The following CCDC60 variants were observed in gnomAD, a reference collection of about 807,000 sequenced individuals.
CCDC60 encodes coiled-coil domain-containing protein 60.
In CCDC60, 54 loss-of-function variants were observed where a neutral mutation model predicts 63.5. That is an observed-to-expected ratio of 0.85 (90% CI 0.68 to 1.07). The LOEUF is 1.07. Ranked by LOEUF, CCDC60 falls within the 50% of genes least tolerant of loss-of-function variation. The pLI is 0.00. For missense variants in CCDC60, 651 were observed against 684.3 expected, an observed-to-expected ratio of 0.95 and a Z score of 0.54; for synonymous variants, 206 against 238.8, an observed-to-expected ratio of 0.86 and a Z score of 1.27.
intron 2 of CCDC60, among the ~76,000 whole-genome samples, chr12:119,470,427 G>A (rs1439898112): frequency 1.3e-5 from 2 of 152,218 alleles, no homozygotes; most frequent in African/African-American, 2.4e-5. Flanking sequence ...AGGAATGAAT[G>A]AATGAAATGT....
intron 5 of CCDC60, among the ~76,000 whole-genome samples, chr12:119,495,784 C>A (rs151335831): frequency 6.6e-6 from 1 of 152,174 alleles, no homozygotes; most frequent in African/African-American, 2.4e-5. Flanking sequence ...AGACAACACC[C>A]CAGCTCTCAG....
Position 119,428,618 on chromosome 12 carries a change from C to CCTAT in CCDC60, c.91-62_91-59dup, listed in dbSNP as rs1956941216. 10 of 1,110,622 alleles carry CCTAT rather than the reference C, an allele frequency of 9.0e-6. No homozygotes were observed. The South Asian group carries it at 1.2e-4, about 14-fold the overall frequency. 68.8% of individuals were successfully genotyped at this position (1,110,622 alleles called of 1,614,324 possible). On this transcript the variant is annotated intron_variant, in intron 1 of 13. Transcript: ENST00000327554. Reference sequence around the variant, plus strand: ...CAGAGAAACCCATGAGCCTCCTGTGCCTATCTCCATTTGGAAGCATTGTAT... The same window carrying CCTAT: ...CAGAGAAACCCATGAGCCTCCTGTGCCTATCTATCTCCATTTGGAAGCATTGTAT...
intron 6 of CCDC60, among the ~76,000 whole-genome samples, chr12:119,502,122 T>C (rs549521249): frequency 2.0e-5 from 3 of 152,184 alleles, no homozygotes; most frequent in African/African-American, 7.2e-5. Context: ...TGTGATACAG[T>C]AGGGAGTGGT....
intron 1 of CCDC60, among the ~76,000 whole-genome samples, chr12:119,351,212 C>G (rs1160671848): frequency 1.3e-5 from 2 of 152,190 alleles, no homozygotes; most frequent in African/African-American, 4.8e-5. Context: ...TGCCTCTCTC[C>G]CTTTCCACTC....
intron 12 of CCDC60, 31 bp downstream of exon 12, chr12:119,528,777 C>G: frequency 3.1e-6 from 5 of 1,603,050 alleles, no homozygotes. Flanking sequence ...ATAAGATGGT[C>G]CCTGGAAGAG....
intron 2 of CCDC60, among the ~76,000 whole-genome samples, chr12:119,435,587 T>C (rs1950309812): frequency 6.6e-6 from 1 of 152,194 alleles, no homozygotes; most frequent in Non-Finnish European, 1.5e-5. Context: ...TAAGTAAATA[T>C]TCTGAAGTTT....
At chr12:119,497,579 T>C (rs769972788) in intron 5 of CCDC60, among the ~76,000 whole-genome samples, 2 of 152,188 alleles carry the variant, frequency 1.3e-5, no homozygotes, top group Non-Finnish European at 2.9e-5. Flanking sequence ...TCTTCCCGAT[T>C]GGACCTGAAT....
chr12:119,463,241 C>T (rs1032368943), intron 2 of CCDC60, among the ~76,000 whole-genome samples: 12 of 152,230 alleles, frequency 7.9e-5, no homozygotes, highest in African/African-American at 2.9e-4. Flanking sequence ...TCCCTGGCAC[C>T]TACCAGTCAG....
intron 2 of CCDC60, among the ~76,000 whole-genome samples, 186 bp from the exon 3 acceptor site, chr12:119,471,808 C>T (rs1344088446): frequency 6.6e-6 from 1 of 151,326 alleles, no homozygotes; most frequent in African/African-American, 2.4e-5. Context: ...CTCTCTCTCT[C>T]TTTCCTTCCT....
chr12:119,433,296 A>T (rs1189457325), intron 2 of CCDC60: 1 of 652,262 alleles, frequency 1.5e-6, no homozygotes, highest in Non-Finnish European at 2.8e-6. Context: ...TTGTTCTGCC[A>T]CTCTTCAGTT....
intron 6 of CCDC60, among the ~76,000 whole-genome samples, chr12:119,500,610 T>C (rs1289728694): frequency 7.9e-6 from 1 of 126,450 alleles, no homozygotes; most frequent in Middle Eastern, 6.6e-3. Flanking sequence ...TCCCAAAGGA[T>C]TGGGAGGCCA....
At position 119,495,640 on chromosome 12, in the gene CCDC60, A is replaced by T. The variant is rs533408861; in HGVS notation, c.558-4438A>T. ...GAGCAGCACTCATAATAGCATTTTT[A>T]AAATTTAAATTGTTTATATTTAAAT... is the stretch of plus-strand genomic sequence containing the variant. On this transcript the variant is annotated intron_variant, in intron 5 of 13. Coordinates refer to ENST00000327554, the MANE Select transcript of CCDC60 (RefSeq NM_178499.5). Among the ~76,000 whole-genome samples, 11 of 152,314 alleles carry T rather than the reference A, an allele frequency of 7.2e-5. No individual in the cohort carries two copies. The East Asian group carries it at 1.2e-3, about 16-fold the overall frequency.
At chr12:119,447,418 C>A (rs1478355466) in intron 2 of CCDC60, among the ~76,000 whole-genome samples, 1 of 152,144 alleles carries the variant, frequency 6.6e-6, no homozygotes, top group African/African-American at 2.4e-5. Context: ...AGAAGAACAC[C>A]GATCGAACCA....
rs917427330 is a variant in CCDC60, at chr12:119,454,287, G to A, written c.171-17707G>A. Among the ~76,000 whole-genome samples the A allele has an allele frequency of 1.1e-4, 16 of 152,270 alleles. No individual in the cohort carries two copies. The South Asian group carries it at 1.5e-3, about 14-fold the overall frequency. On this transcript the variant is annotated intron_variant, in intron 2 of 13. Transcript: ENST00000327554. ...GCCTTAGTTTCCTCATCAGCAAAAT[G>A]GGGATAATAGTACTTACTTCATAGG...
chr12:119,452,140 T>C (rs1431670678), intron 2 of CCDC60, among the ~76,000 whole-genome samples: 3 of 152,212 alleles, frequency 2.0e-5, no homozygotes, highest in African/African-American at 7.2e-5. Flanking sequence ...TATAGCTTTT[T>C]TGCATCTTAA....
intron 1 of CCDC60, among the ~76,000 whole-genome samples, chr12:119,400,341 G>A (rs10849654): frequency 0.16 from 24,170 of 152,212 alleles, 2,281 homozygotes; most frequent in South Asian, 0.35. Flanking sequence ...GAGCCACTGC[G>A]CCCGGCCCGG....
At position 119,456,817 on chromosome 12, in the gene CCDC60, A is replaced by G. The variant is rs556200311; in HGVS notation, c.171-15177A>G. Among the ~76,000 whole-genome samples, 10 of 152,272 alleles carry G rather than the reference A, an allele frequency of 6.6e-5. No individual in the cohort carries two copies. Among genetic ancestry groups the G allele is most frequent in the Non-Finnish European group, 1.0e-4 (7 of 68,020 alleles). On this transcript the variant is annotated intron_variant, in intron 2 of 13. Coordinates refer to ENST00000327554, the MANE Select transcript of CCDC60 (RefSeq NM_178499.5). This position sits in a 1 kb window ranked among gnomAD's most constrained non-coding sequence, Gnocchi z 4.6. Reference sequence around the variant, plus strand: ...GTAGCAGTGAGGACGACCAGAGGTCACTCTTGTCGCCATCTTGGTTTTGGT... The same window carrying G: ...GTAGCAGTGAGGACGACCAGAGGTCGCTCTTGTCGCCATCTTGGTTTTGGT...
intron 7 of CCDC60, among the ~76,000 whole-genome samples, chr12:119,511,303 A>C (rs1198271966): frequency 6.6e-6 from 1 of 152,228 alleles, no homozygotes; most frequent in Non-Finnish European, 1.5e-5. Flanking sequence ...ACCAAGGTCT[A>C]ATTTCCAAGG....
chr12:119,430,255 T>G (rs1950204775), intron 2 of CCDC60, among the ~76,000 whole-genome samples: 1 of 152,074 alleles, frequency 6.6e-6, no homozygotes, highest in Non-Finnish European at 1.5e-5. Flanking sequence ...CAATGTAATT[T>G]TTTTGGAGAT....
Sources: allele counts gnomAD v4.1 joint callset (sites outside exome capture counted in the v4.1 genomes callset), GRCh38; gene constraint gnomAD v4.1.1; non-coding constraint Gnocchi (gnomAD v3.1); transcripts MANE v1.5; gene names NCBI Gene and HGNC (gene_info 2026-07-23, HGNC 2026-07-21).